FN1: variants seen among roughly 807,000 people sequenced by gnomAD.
FN1 encodes the protein fibronectin 1.
Under a neutral mutation model 297.3 loss-of-function variants are expected in FN1, and 106 were observed. The ratio of observed to expected loss-of-function variants is 0.36; its 90% CI spans 0.30 to 0.42. The LOEUF is 0.42. FN1 is among the 10% of genes least tolerant of loss of function. The pLI, the probability that FN1 is intolerant of heterozygous loss-of-function variation, is 1.00. For synonymous variants in FN1, 1,149 were observed against 1,152.6 expected (o/e 1.00, Z 0.06); for missense variants, 2,690 against 3,124.9 (o/e 0.86, Z 3.32).
At position 215,365,514 on chromosome 2, in the gene FN1, A is replaced by G. The variant is rs1333697661; in HGVS notation, c.7135T>C (p.Cys2379Arg). The G allele has an allele frequency of 6.2e-7, 1 of 1,613,978 alleles. No individual in the cohort carries two copies. Among genetic ancestry groups the G allele is most frequent in the Non-Finnish European group, 8.5e-7 (1 of 1,179,958 alleles). ...ATCTGTGATGACATACGAGGGTCAC[A>G]CTTGAATTCTCCTTTTCCGTTCCCA... is the stretch of plus-strand genomic sequence containing the variant. ...CLGNGKGEFK[C>R]DPHEATCYDD... is the part of the protein sequence containing the mutation. Residue 2379 changes from cysteine (C) to arginine (R), a missense_variant, in exon 43 of 46, where the codon TGT (cysteine) becomes CGT (arginine). Physicochemically the swap from Cys to Arg is radical, Grantham distance 180 (BLOSUM62 -3). This residue lies in a region of FN1 where 1,743 missense variants were observed against 1,945.2 expected (regional missense o/e 0.90). Coordinates refer to ENST00000354785, the MANE Select transcript of FN1 (RefSeq NM_212482.4).
At chr2:215,371,873 G>A (rs540955578) in intron 40 of FN1, 36 bp downstream of exon 40, 2 of 1,554,618 alleles carry the variant, frequency 1.3e-6, no homozygotes, top group East Asian at 2.2e-5. Flanking sequence ...TCCTTTCTGT[G>A]CTGCCCCATG....
intron 26 of FN1, among the ~76,000 whole-genome samples, chr2:215,389,854 T>G (rs756777308): frequency 2.0e-5 from 3 of 152,188 alleles, no homozygotes; most frequent in Non-Finnish European, 4.4e-5. Flanking sequence ...ACACCTAAGC[T>G]ATAAGCTATG....
chr2:215,372,013 G>C lies in FN1; in HGVS notation c.6610C>G (p.Gln2204Glu), dbSNP rs569637664. 26 of 1,614,220 alleles carry C rather than the reference G, an allele frequency of 1.6e-5. No homozygotes were observed. In the South Asian group the frequency reaches 2.7e-4, roughly 17 times the overall value. ...PGLNPNASTGQEALSQTTISW... is the reference protein window; with the variant it reads ...PGLNPNASTGEEALSQTTISW... The stretch of plus-strand genomic sequence containing the variant: ...ATGGTTGTCTGAGAGAGAGCTTCTT[G>C]TCCTGTAGAGGCATTTGGATTGAGT... Residue 2204 changes from glutamine (Q) to glutamate (E), a missense_variant, in exon 40 of 46, where the codon CAA becomes GAA. By Grantham distance (29) the Gln-to-Glu change is conservative. Around this residue, in one of 3 missense-constraint regions of FN1, gnomAD observed 1,743 missense variants for 1,945.2 expected, o/e 0.90. Coordinates refer to ENST00000354785, the MANE Select transcript of FN1 (RefSeq NM_212482.4).
chr2:215,431,995 AG>A, intron 3 of FN1, 31 bp from the exon 4 acceptor site: 1 of 1,610,306 alleles, frequency 6.2e-7, no homozygotes, highest in South Asian at 1.1e-5. Flanking sequence ...ATGTTAGGAG[AG>A]GGCAGAACAG....
At chr2:215,399,376 A>C (rs769911741) in intron 20 of FN1, 25 bp from the exon 21 acceptor site, 2 of 1,503,742 alleles carry the variant, frequency 1.3e-6, no homozygotes, top group African/African-American at 2.8e-5. Flanking sequence ...CAATGCACAT[A>C]TTCAAAACTC....
At chr2:215,424,982 G>T (rs1377705536) in intron 7 of FN1, 112 bp downstream of exon 7, 2 of 951,728 alleles carry the variant, frequency 2.1e-6, no homozygotes, top group Non-Finnish European at 3.4e-6. Flanking sequence ...TCACAGGGTG[G>T]TAAGATTACA....
chr2:215,362,503 A>G, intron 44 of FN1: 1 of 237,212 alleles, frequency 4.2e-6, no homozygotes, highest in Non-Finnish European at 8.5e-6. Flanking sequence ...GACCCAGAGG[A>G]GAGGAGTGAC....
At chr2:215,371,267 CG>C (rs1553601376) in intron 40 of FN1, among the ~76,000 whole-genome samples, 1 of 134,746 alleles carries the variant, frequency 7.4e-6, no homozygotes, top group African/African-American at 2.6e-5. Context: ...GACTCCATCT[CG>C]GGGAAAAAAA....
In FN1 at chr2:215,394,547, G is replaced by A. The variant is rs146694603; in HGVS notation, c.3777C>T (p.Ile1259=). Residue 1259 remains isoleucine (I), a synonymous_variant, in exon 24 of 46, where the codon ATC becomes ATT. Transcript: ENST00000354785. ...TVKDDKESVP[I]SDTIIPEVPQ... ...TATTACCTGGGATGATGGTATCAGA[G>A]ATAGGGACACTTTCCTTGTCATCCT... 38 of 1,613,542 alleles carry A rather than the reference G, an allele frequency of 2.4e-5. No individual in the cohort carries two copies. Among genetic ancestry groups the A allele is most frequent in the African/African-American group, 8.0e-5 (6 of 74,894 alleles).
rs1335864697 is a variant in FN1 at position 215,435,226 on chromosome 2, C to G, written c.149-402G>C. Among the ~76,000 whole-genome samples, 5 of 152,258 alleles carry G rather than the reference C, an allele frequency of 3.3e-5. No individual in the cohort carries two copies. In the East Asian group the frequency reaches 9.6e-4, roughly 29 times the overall value. ...ACATCTCTTCCAAGTTAGTTAGAAA[C>G]AAGACAGCTATTTCAATACCCCCTT... On this transcript the variant is annotated intron_variant, in intron 1 of 45. Transcript: ENST00000354785.
intron 34 of FN1, among the ~76,000 whole-genome samples, chr2:215,378,812 G>T (rs1235774096): frequency 6.6e-6 from 1 of 152,154 alleles, no homozygotes; most frequent in Admixed American, 6.6e-5. Flanking sequence ...ACAGAGCTCA[G>T]AAAATGCATA....
chr2:215,397,195 C>A lies in FN1; in HGVS notation c.3546G>T (p.Leu1182=). 1 of 1,613,926 alleles carries A rather than the reference C, an allele frequency of 6.2e-7. No homozygotes were observed. Among genetic ancestry groups the A allele is most frequent in the Non-Finnish European group, 8.5e-7 (1 of 1,179,806 alleles). ...GCACTCCAGTGTCAGGGTTTGCCTC[C>A]AGATGCAAGTTTGTTGGTGGAGACA... ...TPLSPPTNLH[L]EANPDTGVLT... Residue 1182 remains leucine, a synonymous_variant, in exon 23 of 46, where the codon CTG becomes CTT. Transcript: ENST00000354785.
intron 13 of FN1, among the ~76,000 whole-genome samples, chr2:215,413,765 G>T (rs1220159283): frequency 6.6e-6 from 1 of 152,190 alleles, no homozygotes; most frequent in Non-Finnish European, 1.5e-5. Flanking sequence ...AGGATATATG[G>T]AAGATAAACT....
chr2:215,408,692 C>A (rs540558887), intron 15 of FN1, among the ~76,000 whole-genome samples: 1 of 152,070 alleles, frequency 6.6e-6, no homozygotes, highest in Non-Finnish European at 1.5e-5. Flanking sequence ...CTCGGCCTCC[C>A]GAGTAGCTGG....
intron 14 of FN1, 72 bp from the exon 15 acceptor site, chr2:215,409,811 C>A: frequency 6.3e-7 from 1 of 1,597,194 alleles, no homozygotes; most frequent in Non-Finnish European, 8.6e-7. Flanking sequence ...TCGCCAACAT[C>A]ATTTTAAAAA....
chr2:215,391,874 G>A (rs1350236449), intron 25 of FN1, 60 bp from the exon 26 acceptor site: 8 of 1,465,582 alleles, frequency 5.5e-6, no homozygotes, highest in Non-Finnish European at 7.6e-6. Context: ...AGCTAACGAA[G>A]TAGCTGGAAA....
intron 40 of FN1, 26 bp downstream of exon 40, chr2:215,371,883 G>A (rs1297468531): frequency 1.3e-6 from 2 of 1,572,240 alleles, no homozygotes; most frequent in Admixed American, 1.7e-5. Context: ...GCTGCCCCAT[G>A]AGAAGTGAAG....
Position 215,409,627 on chromosome 2 carries a change from G to T in FN1, c.2235C>A (p.Asp745Glu), listed in dbSNP as rs775616995. The T allele has an allele frequency of 4.3e-6, 7 of 1,614,068 alleles. No individual in the cohort carries two copies. Among genetic ancestry groups the T allele is most frequent in the East Asian group, 2.2e-5 (1 of 44,868 alleles). The change falls in exon 15 of 46, where the codon GAC (aspartate) becomes GAA (glutamate). Residue 745 changes from aspartate to glutamate, a missense_variant. By Grantham distance (45) the Asp-to-Glu change is conservative. Coordinates refer to ENST00000354785, the MANE Select transcript of FN1 (RefSeq NM_212482.4). ...ATTCCACCCGGAATCCCGACACGGT[G>T]TCGGAAGCTGAGACCCAGGAGACCA... ...SFVVSWVSAS[D>E]TVSGFRVEYE...
intron 6 of FN1, among the ~76,000 whole-genome samples, chr2:215,426,598 C>T (rs1317918959): frequency 6.6e-6 from 1 of 152,084 alleles, no homozygotes; most frequent in Non-Finnish European, 1.5e-5. Context: ...TGTTCACAGA[C>T]AAAGAATCCC....
Sources: allele counts gnomAD v4.1 joint callset (sites outside exome capture counted in the v4.1 genomes callset), GRCh38; gene constraint gnomAD v4.1.1; regional missense constraint gnomAD v4.1.1; transcripts MANE v1.5; gene names NCBI Gene and HGNC (gene_info 2026-07-23, HGNC 2026-07-21).